Variants in DIP2C observed in about 807,000 individuals in gnomAD.
DIP2C encodes the protein disco-interacting protein 2 homolog C.
A neutral mutation model predicts 192.4 loss-of-function variants in DIP2C; 33 were observed. The observed-to-expected ratio is 0.17, with a 90% CI of 0.13 to 0.23. The LOEUF (loss-of-function observed/expected upper bound fraction) is 0.23. DIP2C is among the 10% of genes least tolerant of loss of function. DIP2C has a pLI of 1.00. For synonymous variants in DIP2C, 979 were observed against 864.1 expected (o/e 1.13, Z -2.33); for missense variants, 1,537 against 2,110.1 (o/e 0.73, Z 5.32).
At chr10:491,480 G>C (rs1046595610) in intron 1 of DIP2C, among the ~76,000 whole-genome samples, 2 of 152,148 alleles carry the variant, frequency 1.3e-5, no homozygotes, top group Non-Finnish European at 2.9e-5. Flanking sequence ...AGGCTTCTTC[G>C]TTCTCCAGCA....
At chr10:291,350 C>A (rs1955489872) in intron 32 of DIP2C, among the ~76,000 whole-genome samples, 1 of 152,220 alleles carries the variant, frequency 6.6e-6, no homozygotes, top group African/African-American at 2.4e-5. Flanking sequence ...TGAAAACAGG[C>A]ACAGGGTGCT....
intron 1 of DIP2C, among the ~76,000 whole-genome samples, chr10:551,074 T>G (rs1848560311): frequency 1.3e-5 from 2 of 151,914 alleles, no homozygotes. Context: ...ATGCAAACCA[T>G]GCACACGGCT....
chr10:331,487 G>GA (rs1273966219), intron 29 of DIP2C, among the ~76,000 whole-genome samples: 6 of 152,132 alleles, frequency 3.9e-5, no homozygotes, highest in African/African-American at 1.4e-4. Flanking sequence ...AGATATTCAT[G>GA]AAAAAATCTG....
At chr10:466,006 A>T (rs1970169285) in intron 3 of DIP2C, among the ~76,000 whole-genome samples, 1 of 152,060 alleles carries the variant, frequency 6.6e-6, no homozygotes, top group Non-Finnish European at 1.5e-5. Context: ...TCAAGCTACC[A>T]ATGACTTTCT....
rs143857501 is a variant in DIP2C, at chr10:419,177, G to C, written c.627C>G (p.Asp209Glu). ...THIENHSAPP[D>E]VTTYTSEHSI... ...AGTGCTCTGAGGTGTACGTGGTTAC[G>C]TCAGGAGGTGCAGAATGATTTTCTG... is the stretch of plus-strand genomic sequence containing the variant. Residue 209 changes from aspartate (D) to glutamate (E), a missense_variant, in exon 6 of 37, where the codon GAC (aspartate) becomes GAG (glutamate). Physicochemically the swap from Asp to Glu is conservative, Grantham distance 45. Around this residue, in one of 4 missense-constraint regions of DIP2C, gnomAD observed 473 missense variants for 539.6 expected, o/e 0.88. Transcript: ENST00000280886. 1 of 1,614,256 alleles carries C rather than the reference G, an allele frequency of 6.2e-7. No individual in the cohort carries two copies. Among genetic ancestry groups the C allele is most frequent in the Non-Finnish European group, 8.5e-7 (1 of 1,180,050 alleles).
At chr10:679,789 G>A (rs1214776595) in intron 1 of DIP2C, among the ~76,000 whole-genome samples, 5 of 152,066 alleles carry the variant, frequency 3.3e-5, no homozygotes, top group African/African-American at 7.2e-5. Context: ...CCCGCACTGC[G>A]TTCCCTGCGC....
intron 17 of DIP2C, among the ~76,000 whole-genome samples, chr10:378,250 T>C (rs1460991126): frequency 6.6e-6 from 1 of 152,170 alleles, no homozygotes; most frequent in Non-Finnish European, 1.5e-5. Context: ...TAGGTGAAAA[T>C]ACAGTTCACG....
At chr10:613,966 G>A (rs1036317896) in intron 1 of DIP2C, among the ~76,000 whole-genome samples, 8 of 152,086 alleles carry the variant, frequency 5.3e-5, no homozygotes, top group Admixed American at 1.3e-4. Flanking sequence ...AGGATATTCA[G>A]GGATACCCAC....
chr10:424,044 G>C (rs927153024), intron 4 of DIP2C, among the ~76,000 whole-genome samples: 1 of 152,086 alleles, frequency 6.6e-6, no homozygotes, highest in African/African-American at 2.4e-5. Flanking sequence ...GCAGTACCAA[G>C]GTTTTTGGGA....
intron 1 of DIP2C, among the ~76,000 whole-genome samples, chr10:679,458 C>T (rs1430883779): frequency 2.3e-5 from 2 of 86,418 alleles, no homozygotes; most frequent in East Asian, 3.6e-4. Context: ...GCTCCCTGCA[C>T]CCGTCCTCCC....
At chr10:529,856 C>G (rs996933583) in intron 1 of DIP2C, among the ~76,000 whole-genome samples, 2 of 152,210 alleles carry the variant, frequency 1.3e-5, no homozygotes, top group Non-Finnish European at 2.9e-5. Flanking sequence ...CATGGCTCAT[C>G]GCGGCCTTGA....
chr10:653,512 G>A (rs1026791105), intron 1 of DIP2C, among the ~76,000 whole-genome samples: 4 of 152,080 alleles, frequency 2.6e-5, no homozygotes, highest in Non-Finnish European at 2.9e-5. Flanking sequence ...TTGGAGCCAC[G>A]GCAACGAAGC....
chr10:569,411 T>C (rs1298368188), intron 1 of DIP2C, among the ~76,000 whole-genome samples: 2 of 151,884 alleles, frequency 1.3e-5, no homozygotes, highest in South Asian at 2.1e-4. Flanking sequence ...AGCTAAGTAT[T>C]ATAGTAATAC....
chr10:386,254 G>C (rs1962898851), intron 14 of DIP2C, among the ~76,000 whole-genome samples: 1 of 152,146 alleles, frequency 6.6e-6, no homozygotes, highest in Non-Finnish European at 1.5e-5. Context: ...TCAACTTTAG[G>C]CCACAGAATT....
At chr10:384,722 G>C (rs1299611542) in intron 14 of DIP2C, 83 bp from the exon 15 acceptor site, 4 of 1,382,086 alleles carry the variant, frequency 2.9e-6, no homozygotes, top group Non-Finnish European at 4.1e-6. Flanking sequence ...TGGACACTAG[G>C]CCGCACGGGC....
At chr10:518,164 G>T (rs1271584805) in intron 1 of DIP2C, among the ~76,000 whole-genome samples, 1 of 152,276 alleles carries the variant, frequency 6.6e-6, no homozygotes, top group African/African-American at 2.4e-5. Context: ...CGGACACCCA[G>T]TGCTGCTGAC....
At chr10:555,653 C>A (rs960512101) in intron 1 of DIP2C, among the ~76,000 whole-genome samples, 1 of 152,166 alleles carries the variant, frequency 6.6e-6, no homozygotes, top group Admixed American at 6.5e-5. Context: ...GTGAGGGGAA[C>A]CTCCTGGCCT....
chr10:542,076 A>AC (rs1338296456), intron 1 of DIP2C, among the ~76,000 whole-genome samples: 3 of 151,704 alleles, frequency 2.0e-5, no homozygotes, highest in Non-Finnish European at 4.4e-5. Flanking sequence ...AACTGACTGC[A>AC]CTCTCAGAAA....
At chr10:439,104 C>G (rs1233372162) in intron 4 of DIP2C, among the ~76,000 whole-genome samples, 2 of 152,182 alleles carry the variant, frequency 1.3e-5, no homozygotes, top group African/African-American at 4.8e-5. Context: ...CCCTGGACTC[C>G]CAAAGTGCAG....
Sources: allele counts gnomAD v4.1 joint callset (sites outside exome capture counted in the v4.1 genomes callset), GRCh38; gene constraint gnomAD v4.1.1; regional missense constraint gnomAD v4.1.1; transcripts MANE v1.5; gene names NCBI Gene and HGNC (gene_info 2026-07-23, HGNC 2026-07-21).